Variants in SNTG2 observed in about 807,000 individuals in gnomAD.
The protein encoded by SNTG2 is gamma-2-syntrophin.
Under a neutral mutation model 70.9 loss-of-function variants are expected in SNTG2, and 74 were observed. The observed-to-expected ratio is 1.04, with a 90% confidence interval of 0.86 to 1.27. SNTG2 has a LOEUF of 1.27. Ranked by LOEUF, SNTG2 falls within the 50% of genes most tolerant of loss-of-function variation. The probability of loss-of-function intolerance (pLI) is 0.00; values close to 1 mark genes in which losing one functional copy is unlikely to be tolerated. For missense variants in SNTG2, 717 were observed against 690.7 expected, an observed-to-expected ratio of 1.04 and a Z score of -0.43; for synonymous variants, 278 against 273.8, an observed-to-expected ratio of 1.02 and a Z score of -0.15.
rs570473276 is a variant in SNTG2 at position 1,193,824 on chromosome 2, C to T, written c.592-15279C>T. On this transcript the variant is annotated intron_variant, in intron 8 of 16. Coordinates refer to ENST00000308624, the MANE Select transcript of SNTG2 (RefSeq NM_018968.4). ...TTAGATTCCTGACCACACTTTACAC[C>T]CACCAGAATAACTCTGAACACATGA... Among the ~76,000 whole-genome samples, 31 of 152,322 alleles carry T rather than the reference C, an allele frequency of 2.0e-4. 1 individual carries two copies. In the South Asian group the frequency reaches 2.1e-3, roughly 10 times the overall value.
chr2:1,060,406 A>G (rs1349071307), intron 1 of SNTG2, among the ~76,000 whole-genome samples: 1 of 152,164 alleles, frequency 6.6e-6, no homozygotes, highest in Non-Finnish European at 1.5e-5. Flanking sequence ...ATAGATACAG[A>G]GATAGAAGTG....
intron 14 of SNTG2, among the ~76,000 whole-genome samples, chr2:1,285,919 C>T (rs978302790): frequency 1.7e-4 from 26 of 152,194 alleles, no homozygotes; most frequent in African/African-American, 6.3e-4. Flanking sequence ...CCAAGAAATG[C>T]CTGAATGGAG....
intron 1 of SNTG2, among the ~76,000 whole-genome samples, chr2:1,052,536 C>G: frequency 6.6e-6 from 1 of 152,126 alleles, no homozygotes; most frequent in Non-Finnish European, 1.5e-5. Context: ...TGGCTTTGTT[C>G]ATTAGTTGAT....
At chr2:978,234 A>T (rs140144404) in intron 1 of SNTG2, among the ~76,000 whole-genome samples, 1 of 152,288 alleles carries the variant, frequency 6.6e-6, no homozygotes, top group African/African-American at 2.4e-5. Flanking sequence ...TGCGGGAGTG[A>T]TGGGGAGTTG....
intron 1 of SNTG2, among the ~76,000 whole-genome samples, chr2:957,659 T>C (rs1660211428): frequency 6.6e-6 from 1 of 151,984 alleles, no homozygotes. Flanking sequence ...CCCTCTTCTA[T>C]AGATGAGGTC....
chr2:1,255,878 AT>A (rs1678055736), intron 12 of SNTG2, among the ~76,000 whole-genome samples: 1 of 75,018 alleles, frequency 1.3e-5, no homozygotes, highest in Non-Finnish European at 2.4e-5. Context: ...ATATAAATAT[AT>A]ATATAAATAT....
At chr2:1,015,006 G>T (rs1455647905) in intron 1 of SNTG2, among the ~76,000 whole-genome samples, 1 of 152,152 alleles carries the variant, frequency 6.6e-6, no homozygotes, top group Non-Finnish European at 1.5e-5. Context: ...GCTGCATGTG[G>T]CTGGGTAGGG....
chr2:1,324,613 G>A (rs1411405632), intron 16 of SNTG2, among the ~76,000 whole-genome samples: 2 of 152,142 alleles, frequency 1.3e-5, no homozygotes, highest in South Asian at 2.1e-4. Context: ...AATGGTCAGC[G>A]CTAGAATCTA....
intron 9 of SNTG2, among the ~76,000 whole-genome samples, chr2:1,213,070 C>T (rs113213049): frequency 2.0e-5 from 3 of 152,336 alleles, no homozygotes; most frequent in African/African-American, 7.2e-5. Context: ...AATCTATAAC[C>T]ACTACCTTCT....
intron 14 of SNTG2, among the ~76,000 whole-genome samples, chr2:1,283,530 C>A (rs993025267): frequency 6.6e-6 from 1 of 152,266 alleles, no homozygotes; most frequent in East Asian, 1.9e-4. Context: ...CCCTCCTTCC[C>A]AGACCTGCCA....
chr2:966,969 A>AC (rs1381383599), intron 1 of SNTG2, among the ~76,000 whole-genome samples: 7 of 151,992 alleles, frequency 4.6e-5, no homozygotes, highest in African/African-American at 9.7e-5. Context: ...AAACAAACAA[A>AC]AAAACAAATA....
At position 1,296,671 on chromosome 2, in the gene SNTG2, C is replaced by T. The variant is rs1490648641; in HGVS notation, c.1285-11823C>T. On this transcript the variant is annotated intron_variant, in intron 14 of 16. Coordinates refer to ENST00000308624, the MANE Select transcript of SNTG2 (RefSeq NM_018968.4). ...GTCACTGTTTGCATTTTCCTGCTTTCCTCCCTGGAATGACAGTCCCTGAGC... is the reference window on the plus strand; with the variant it reads ...GTCACTGTTTGCATTTTCCTGCTTTTCTCCCTGGAATGACAGTCCCTGAGC... Among the ~76,000 whole-genome samples, 2 of 152,228 alleles carry T rather than the reference C, an allele frequency of 1.3e-5. 1 individual carries two copies. Among genetic ancestry groups the T allele is most frequent in the South Asian group, 4.1e-4 (2 of 4,832 alleles).
chr2:1,191,856 G>A (rs991482720), intron 8 of SNTG2, among the ~76,000 whole-genome samples: 2 of 151,742 alleles, frequency 1.3e-5, no homozygotes, highest in African/African-American at 2.4e-5. Flanking sequence ...TTAATTTTAT[G>A]CTTTATAACT....
At chr2:1,040,975 C>T (rs761214257) in intron 1 of SNTG2, among the ~76,000 whole-genome samples, 16 of 152,110 alleles carry the variant, frequency 1.1e-4, no homozygotes, top group Middle Eastern at 3.2e-3. Context: ...GTGAATCAGA[C>T]GGCTTTTTGG....
At chr2:982,267 A>G (rs1661129321) in intron 1 of SNTG2, among the ~76,000 whole-genome samples, 1 of 152,178 alleles carries the variant, frequency 6.6e-6, no homozygotes. Context: ...CACAGTGTAT[A>G]CATTGTTTTA....
At chr2:1,335,208 C>T (rs1222133101) in intron 16 of SNTG2, among the ~76,000 whole-genome samples, 1 of 152,162 alleles carries the variant, frequency 6.6e-6, no homozygotes, top group Non-Finnish European at 1.5e-5. Context: ...GCTGGCTTTC[C>T]ATGTGACAGA....
chr2:997,237 G>A (rs1002909127), intron 1 of SNTG2, among the ~76,000 whole-genome samples: 6 of 152,194 alleles, frequency 3.9e-5, no homozygotes, highest in Non-Finnish European at 8.8e-5. Flanking sequence ...TCTAGGTTAA[G>A]CTGGGTGCCC....
chr2:1,237,234 C>T (rs1030690193), intron 9 of SNTG2, among the ~76,000 whole-genome samples: 2 of 152,120 alleles, frequency 1.3e-5, no homozygotes, highest in East Asian at 1.9e-4. Flanking sequence ...TGAGCCACTG[C>T]GCCCGGCCAA....
intron 12 of SNTG2, 87 bp downstream of exon 12, chr2:1,247,530 G>C: frequency 1.1e-6 from 1 of 931,702 alleles, no homozygotes; most frequent in Non-Finnish European, 1.7e-6. Context: ...GGTGTTTGGA[G>C]GAGGACAGAC....
Sources: gnomAD v4.1 joint callset for allele counts (sites outside exome capture counted in the v4.1 genomes callset) on GRCh38, gnomAD v4.1.1 for gene constraint, MANE v1.5 for transcripts, NCBI Gene and HGNC (gene_info 2026-07-23, HGNC 2026-07-21) for gene names.